PCGF5: variants seen among roughly 807,000 people sequenced by gnomAD.
PCGF5 encodes polycomb group RING finger protein 5.
A neutral mutation model predicts 44.3 loss-of-function variants in PCGF5; 9 were observed. The ratio of observed to expected loss-of-function variants is 0.20; its 90% CI spans 0.12 to 0.35. The LOEUF (loss-of-function observed/expected upper bound fraction) is 0.35, where lower values mean the gene tolerates loss of function less well. Among genes scored for constraint, PCGF5 ranks in the 10% least tolerant of loss-of-function variants. The pLI, the probability that PCGF5 is intolerant of heterozygous loss-of-function variation, is 1.00. For missense variants in PCGF5, 146 were observed against 305.3 expected, an observed-to-expected ratio of 0.48 and a Z score of 3.89; for synonymous variants, 95 against 102.5, an observed-to-expected ratio of 0.93 and a Z score of 0.44.
rs1589377204 is a variant in PCGF5, at chr10:91,222,855, G to C, written c.-17G>C. 6.6e-7 allele frequency: 1 copy of C among 1,522,002 alleles called. No homozygotes were observed. Among genetic ancestry groups the C allele is most frequent in the African/African-American group, 1.4e-5 (1 of 72,930 alleles). The allele number at this position is 1,522,002 out of a possible 1,614,324, so 94.3% of individuals were successfully genotyped here. A position where few individuals can be genotyped will look rare whatever the true frequency, so the allele number is the denominator to read the frequency against. The stretch of plus-strand genomic sequence containing the variant: ...CTCTTTGCCCAGACTACTAAAGCCA[G>C]TCTTCACTAGCCACGAATGGCTACC... On this transcript the variant is annotated 5_prime_UTR_variant, in exon 2 of 10. Transcript: ENST00000336126.
intron 2 of PCGF5, among the ~76,000 whole-genome samples, chr10:91,229,429 T>G (rs1844940410): frequency 6.6e-6 from 1 of 152,138 alleles, no homozygotes; most frequent in African/African-American, 2.4e-5. Flanking sequence ...ATGAAAAGGT[T>G]TAAGGGAAGA....
At chr10:91,195,487 G>T (rs3068500) in intron 1 of PCGF5, among the ~76,000 whole-genome samples, 14,917 of 77,094 alleles carry the variant, frequency 0.19, 843 homozygotes, top group African/African-American at 0.24. Flanking sequence ...TATATATATA[G>T]AGAGAGAGAG....
chr10:91,277,323 G>A (rs1846342037), intron 9 of PCGF5, among the ~76,000 whole-genome samples: 2 of 152,312 alleles, frequency 1.3e-5, no homozygotes, highest in East Asian at 1.9e-4. Context: ...TTATATTCAT[G>A]TATACCAAGA....
At chr10:91,219,389 G>A (rs534452957), upstream of PCGF5, among the ~76,000 whole-genome samples, 1 of 152,158 alleles carries the variant, frequency 6.6e-6, no homozygotes, top group East Asian at 1.9e-4. Flanking sequence ...AACATACCAA[G>A]TCTTTTTTAT....
chr10:91,201,163 A>G (rs930901028), intron 1 of PCGF5, among the ~76,000 whole-genome samples: 4 of 152,198 alleles, frequency 2.6e-5, no homozygotes, highest in African/African-American at 7.2e-5. Context: ...TGGGCAATTT[A>G]TAAAGGAAAG....
At chr10:91,259,067 A>T (rs1307094074) in intron 6 of PCGF5, among the ~76,000 whole-genome samples, 3 of 152,108 alleles carry the variant, frequency 2.0e-5, no homozygotes, top group Non-Finnish European at 4.4e-5. Flanking sequence ...CGTGTTTATT[A>T]TGTCTACAAC....
chr10:91,223,018 G>A, intron 2 of PCGF5, 35 bp downstream of exon 2: 2 of 1,324,214 alleles, frequency 1.5e-6, no homozygotes, highest in South Asian at 1.2e-5. Context: ...ACCTATCAAA[G>A]TTTATATGTA....
At chr10:91,253,022 C>T (rs974878240) in intron 6 of PCGF5, among the ~76,000 whole-genome samples, 1 of 151,846 alleles carries the variant, frequency 6.6e-6, no homozygotes, top group African/African-American at 2.4e-5. Context: ...TACTAAGCTA[C>T]CCTGATTCTT....
intron 7 of PCGF5, among the ~76,000 whole-genome samples, chr10:91,261,952 C>T (rs1845923371): frequency 1.3e-5 from 2 of 152,156 alleles, no homozygotes; most frequent in South Asian, 4.1e-4. Flanking sequence ...AGGTAAACTG[C>T]CCTGATATTA....
chr10:91,232,711 G>C (rs1845044659), intron 2 of PCGF5, among the ~76,000 whole-genome samples: 2 of 152,188 alleles, frequency 1.3e-5, no homozygotes, highest in Non-Finnish European at 2.9e-5. Context: ...TAGGTGAATA[G>C]GTGTGGTGGT....
chr10:91,264,921 A>G (rs974169423), intron 8 of PCGF5, among the ~76,000 whole-genome samples: 1 of 152,144 alleles, frequency 6.6e-6, no homozygotes, highest in African/African-American at 2.4e-5. Context: ...GGTAGAGGGG[A>G]CACATAGGGT....
At chr10:91,262,331 C>G (rs960103460) in intron 7 of PCGF5, among the ~76,000 whole-genome samples, 2 of 151,982 alleles carry the variant, frequency 1.3e-5, no homozygotes, top group African/African-American at 4.8e-5. Flanking sequence ...GAGGACAAGG[C>G]AAGAGTCACT....
At chr10:91,238,006 A>T (rs1217877066) in intron 2 of PCGF5, among the ~76,000 whole-genome samples, 1 of 152,268 alleles carries the variant, frequency 6.6e-6, no homozygotes, top group Non-Finnish European at 1.5e-5. Context: ...ACACTAAAAA[A>T]GAAACAAGTA....
intron 1 of PCGF5, among the ~76,000 whole-genome samples, chr10:91,176,979 G>A (rs894424467): frequency 4.6e-5 from 7 of 152,174 alleles, no homozygotes; most frequent in Non-Finnish European, 5.9e-5. Context: ...GAGGAGAGGC[G>A]CCCTGATTTT....
chr10:91,203,138 A>T (rs1005509774), intron 1 of PCGF5, among the ~76,000 whole-genome samples: 15 of 152,180 alleles, frequency 9.9e-5, no homozygotes, highest in Non-Finnish European at 1.9e-4. Context: ...TTTAAGGGCT[A>T]ATTTAGGTCT....
chr10:91,261,499 C>CT, intron 7 of PCGF5, 75 bp downstream of exon 7: 1 of 1,306,630 alleles, frequency 7.7e-7, no homozygotes. Context: ...AAAGTGAAAA[C>CT]TGAGAATATA....
At chr10:91,193,822 A>G (rs959398112) in intron 1 of PCGF5, among the ~76,000 whole-genome samples, 4 of 152,178 alleles carry the variant, frequency 2.6e-5, no homozygotes, top group Admixed American at 2.6e-4. Flanking sequence ...TTAGGAAGTG[A>G]TAGCAGGAAT....
intron 1 of PCGF5, among the ~76,000 whole-genome samples, chr10:91,186,546 A>G (rs866632033): frequency 0.015 from 2,093 of 135,524 alleles, 47 homozygotes; most frequent in African/African-American, 0.048. Flanking sequence ...GTGTGTGTAT[A>G]TATATATATA....
chr10:91,241,182 C>G (rs1328163608), intron 3 of PCGF5, among the ~76,000 whole-genome samples: 1 of 151,888 alleles, frequency 6.6e-6, no homozygotes, highest in South Asian at 2.1e-4. Flanking sequence ...TCAGGTGATT[C>G]TCCTGCCTCA....
Sources: gnomAD v4.1 joint callset for allele counts (sites outside exome capture counted in the v4.1 genomes callset) on GRCh38, gnomAD v4.1.1 for gene constraint, MANE v1.5 for transcripts, NCBI Gene and HGNC (gene_info 2026-07-23, HGNC 2026-07-21) for gene names.